GPR158: variants seen among roughly 807,000 people sequenced by gnomAD.
GPR158 encodes the protein G protein-coupled receptor 158.
In GPR158, 30 loss-of-function variants were observed where a neutral mutation model predicts 78.2. That is an observed-to-expected ratio of 0.38 (90% confidence interval 0.29 to 0.52). GPR158 has a LOEUF of 0.52. Among genes scored for constraint, GPR158 ranks in the 20% least tolerant of loss-of-function variants. GPR158 has a pLI of 0.83. For synonymous variants in GPR158, 581 were observed against 591.1 expected (o/e 0.98, Z 0.25); for missense variants, 1,463 against 1,523.5 (o/e 0.96, Z 0.66).
At chr10:25,452,040 T>TGG (rs71399972) in intron 4 of GPR158, among the ~76,000 whole-genome samples, 3 of 151,748 alleles carry the variant, frequency 2.0e-5, no homozygotes, top group Non-Finnish European at 2.9e-5. Context: ...TGGTTTGGTT[T>TGG]TTGTTTTTGT....
intron 1 of GPR158, among the ~76,000 whole-genome samples, chr10:25,196,534 G>T (rs990026039): frequency 6.6e-6 from 1 of 152,142 alleles, no homozygotes; most frequent in Non-Finnish European, 1.5e-5. Flanking sequence ...TATGATTGAA[G>T]GACTAGGTTA....
chr10:25,432,686 A>G (rs940992388), intron 4 of GPR158, among the ~76,000 whole-genome samples: 1 of 152,122 alleles, frequency 6.6e-6, no homozygotes, highest in Middle Eastern at 3.2e-3. Context: ...ATTATGTCCT[A>G]AGCACCAGGC....
chr10:25,462,959 A>G (rs1835375606), intron 4 of GPR158, among the ~76,000 whole-genome samples: 1 of 152,212 alleles, frequency 6.6e-6, no homozygotes, highest in African/African-American at 2.4e-5. Flanking sequence ...AAGAACTTCA[A>G]CTGTAGGTAA....
In GPR158 at chr10:25,176,468, C is replaced by A. The variant is rs962230765; in HGVS notation, c.902+146C>A. On this transcript the variant is annotated intron_variant, in intron 1 of 10. Coordinates refer to ENST00000376351, the MANE Select transcript of GPR158 (RefSeq NM_020752.3). The surrounding 1 kb of genome is among the most constrained non-coding windows in gnomAD (Gnocchi z 6.3). ...AGTAGAGACCCGGGCTGAGGGACAC[C>A]CCACGCGGGCGCGGGTGCTTGGGGG... 8 of 683,298 alleles carry A rather than the reference C, an allele frequency of 1.2e-5. No homozygotes were observed. In the African/African-American group the frequency reaches 1.3e-4, roughly 11 times the overall value. The allele number at this position is 683,298 out of a possible 1,614,324, so 42.3% of individuals were successfully genotyped here. A position where few individuals can be genotyped will look rare whatever the true frequency, so the allele number is the denominator to read the frequency against.
At chr10:25,405,886 T>C (rs1834508185) in intron 3 of GPR158, among the ~76,000 whole-genome samples, 2 of 152,110 alleles carry the variant, frequency 1.3e-5, no homozygotes, top group South Asian at 4.1e-4. Context: ...GTTATCTTAG[T>C]GACCTACAAG....
intron 2 of GPR158, among the ~76,000 whole-genome samples, chr10:25,367,288 C>G (rs1056266431): frequency 4.6e-5 from 7 of 151,756 alleles, no homozygotes; most frequent in African/African-American, 1.7e-4. Flanking sequence ...TACATCATCA[C>G]TCCTTGGGTA....
In GPR158 at chr10:25,459,534, A is replaced by T. The variant is rs149272518; in HGVS notation, c.1336-7117A>T. Among the ~76,000 whole-genome samples the T allele has an allele frequency of 4.6e-5, 7 of 152,350 alleles. No homozygotes were observed. The East Asian group carries it at 1.2e-3, about 25-fold the overall frequency. ...GCTGCCTTGTTTTAGCAAGATGTAC[A>T]TTAATTTCCCCAGAGGCTAAAAATG... On this transcript the variant is annotated intron_variant, in intron 4 of 10. Coordinates refer to ENST00000376351, the MANE Select transcript of GPR158 (RefSeq NM_020752.3).
At chr10:25,462,341 C>T (rs1480749249) in intron 4 of GPR158, among the ~76,000 whole-genome samples, 2 of 152,182 alleles carry the variant, frequency 1.3e-5, no homozygotes, top group African/African-American at 4.8e-5. Flanking sequence ...TATTACTGCT[C>T]ATTGACAATG....
chr10:25,278,685 A>G (rs1854221310), intron 2 of GPR158, among the ~76,000 whole-genome samples: 1 of 151,854 alleles, frequency 6.6e-6, no homozygotes, highest in African/African-American at 2.4e-5. Flanking sequence ...ATATGTACAA[A>G]GGAGTAACAG....
chr10:25,295,689 A>G (rs1034933839), intron 2 of GPR158, among the ~76,000 whole-genome samples: 4 of 152,192 alleles, frequency 2.6e-5, no homozygotes, highest in Non-Finnish European at 1.5e-5. Context: ...CTGGGATTAC[A>G]GGTGTGAGCC....
chr10:25,197,292 ATTAT>A (rs1852856465), intron 1 of GPR158, among the ~76,000 whole-genome samples: 1 of 152,130 alleles, frequency 6.6e-6, no homozygotes, highest in African/African-American at 2.4e-5. Flanking sequence ...ATTTCTTACT[ATTAT>A]TTAGGGAGAA....
chr10:25,249,439 G>C (rs1258615278), intron 2 of GPR158, among the ~76,000 whole-genome samples: 1 of 151,998 alleles, frequency 6.6e-6, no homozygotes, highest in Non-Finnish European at 1.5e-5. Context: ...TATGATATAG[G>C]CTGTGGGTTT....
intron 2 of GPR158, among the ~76,000 whole-genome samples, chr10:25,249,817 C>T (rs1853764328): frequency 6.6e-6 from 1 of 151,414 alleles, no homozygotes; most frequent in Admixed American, 6.6e-5. Flanking sequence ...CAGAATGATG[C>T]TGGCCTCATA....
intron 2 of GPR158, among the ~76,000 whole-genome samples, chr10:25,324,199 G>A (rs973786184): frequency 2.6e-5 from 4 of 152,164 alleles, no homozygotes; most frequent in African/African-American, 4.8e-5. Flanking sequence ...TGTTTCGCAC[G>A]AGAGGCCTGG....
intron 2 of GPR158, among the ~76,000 whole-genome samples, chr10:25,386,434 T>C (rs922857309): frequency 6.6e-6 from 1 of 152,158 alleles, no homozygotes. Flanking sequence ...TGGGATTCCA[T>C]ATAAGTTTAG....
intron 4 of GPR158, among the ~76,000 whole-genome samples, chr10:25,430,931 C>T (rs1304185343): frequency 2.0e-5 from 3 of 149,880 alleles, no homozygotes; most frequent in Admixed American, 6.6e-5. Flanking sequence ...CTAGGCAATA[C>T]CATTCAGGAC....
At chr10:25,334,758 T>C (rs566756172) in intron 2 of GPR158, among the ~76,000 whole-genome samples, 28 of 152,000 alleles carry the variant, frequency 1.8e-4, no homozygotes, top group African/African-American at 6.7e-4. Flanking sequence ...CTTGTGAGAA[T>C]AAAATGTGAT....
At position 25,596,726 on chromosome 10, in the gene GPR158, C is replaced by G; in HGVS notation, c.2082C>G (p.Ser694=). The stretch of plus-strand genomic sequence containing the variant: ...AGCTAGACATGGGCCGATCTGGATC[C>G]TACCTGAACAGCAGTATCAATTCAG... ...EDELDMGRSG[S]YLNSSINSAW... The change falls in exon 10 of 11, where the codon TCC becomes TCG. Residue 694 remains serine (S), a synonymous_variant. Coordinates refer to ENST00000376351, the MANE Select transcript of GPR158 (RefSeq NM_020752.3). 1 of 1,613,720 alleles carries G rather than the reference C, an allele frequency of 6.2e-7. No individual in the cohort carries two copies. Among genetic ancestry groups the G allele is most frequent in the East Asian group, 2.2e-5 (1 of 44,870 alleles).
At chr10:25,331,220 G>A (rs548893243) in intron 2 of GPR158, among the ~76,000 whole-genome samples, 27 of 152,292 alleles carry the variant, frequency 1.8e-4, no homozygotes, top group Admixed American at 9.2e-4. Flanking sequence ...GATTACAGGT[G>A]TGAACCACTG....
Sources: allele counts gnomAD v4.1 joint callset (sites outside exome capture counted in the v4.1 genomes callset), GRCh38; gene constraint gnomAD v4.1.1; non-coding constraint Gnocchi (gnomAD v3.1); transcripts MANE v1.5; gene names NCBI Gene and HGNC (gene_info 2026-07-23, HGNC 2026-07-21).